GPC5: variants seen among roughly 807,000 people sequenced by gnomAD.
GPC5 encodes glypican-5.
A neutral mutation model predicts 53.9 loss-of-function variants in GPC5; 47 were observed. The ratio of observed to expected loss-of-function variants is 0.87; its 90% CI spans 0.69 to 1.11. The LOEUF (loss-of-function observed/expected upper bound fraction) is 1.11, where lower values mean the gene tolerates loss of function less well. Among genes scored for constraint, GPC5 ranks in the 50% most tolerant of loss-of-function variants. The pLI, the probability that GPC5 is intolerant of heterozygous loss-of-function variation, is 0.00. For synonymous variants in GPC5, 286 were observed against 263.3 expected, an observed-to-expected ratio of 1.09 and a Z score of -0.84; for missense variants, 748 against 713.1, an observed-to-expected ratio of 1.05 and a Z score of -0.56.
At chr13:92,760,928 A>ATTGT (rs1566406707) in intron 7 of GPC5, among the ~76,000 whole-genome samples, 1 of 152,096 alleles carries the variant, frequency 6.6e-6, no homozygotes, top group African/African-American at 2.4e-5. Flanking sequence ...TCAGAAGCAT[A>ATTGT]TTGTTTAATT....
intron 7 of GPC5, among the ~76,000 whole-genome samples, chr13:92,826,958 T>C (rs1230532198): frequency 6.6e-6 from 1 of 152,146 alleles, no homozygotes; most frequent in East Asian, 1.9e-4. Context: ...ATTTCAAGTA[T>C]CTTTTCCCTG....
chr13:91,697,825 G>A (rs1442162306), intron 3 of GPC5, among the ~76,000 whole-genome samples: 3 of 151,272 alleles, frequency 2.0e-5, no homozygotes, highest in African/African-American at 7.3e-5. Context: ...GTTTCAAGAT[G>A]TTCTAAACAG....
At position 92,280,166 on chromosome 13, in the gene GPC5, T is replaced by C. The variant is rs182952335; in HGVS notation, c.1561+135177T>C. Among the ~76,000 whole-genome samples the C allele has an allele frequency of 1.1e-3, 164 of 152,226 alleles. 2 individuals are homozygous for C. Among genetic ancestry groups the C allele is most frequent in the African/African-American group, 3.6e-3 (151 of 41,554 alleles). The stretch of plus-strand genomic sequence containing the variant: ...TTCCAATTTGTCTAGATTATCTAAT[T>C]TGTTGTCATATAATTATTCTCTTGC... On this transcript the variant is annotated intron_variant, in intron 7 of 7. Transcript: ENST00000377067.
At chr13:91,409,063 C>T (rs1452111223) in intron 1 of GPC5, among the ~76,000 whole-genome samples, 1 of 152,134 alleles carries the variant, frequency 6.6e-6, no homozygotes, top group African/African-American at 2.4e-5. Context: ...GGAAGATTGT[C>T]AATATCAAAT....
chr13:92,579,305 C>T (rs1339018512), intron 7 of GPC5, among the ~76,000 whole-genome samples: 1 of 58,232 alleles, frequency 1.7e-5, no homozygotes, highest in Admixed American at 1.8e-4. Context: ...CTCTCTCCCT[C>T]CCTCCCTCCC....
At position 92,107,335 on chromosome 13, in the gene GPC5, G is replaced by A. The variant is rs142913802; in HGVS notation, c.1402-37495G>A. 5.0e-3 allele frequency among the ~76,000 whole-genome samples: 753 copies of A among 151,588 alleles called. 23 individuals carry two copies. Among genetic ancestry groups the A allele is most frequent in the Non-Finnish European group, 2.4e-3 (166 of 67,832 alleles). ...TTTCATTCAAATTGGCAGTATACCT[G>A]GTAAATACAAATTATTTCTGAGCTC... On this transcript the variant is annotated intron_variant, in intron 6 of 7. Coordinates refer to ENST00000377067, the MANE Select transcript of GPC5 (RefSeq NM_004466.6).
At chr13:92,659,814 A>T (rs1488583818) in intron 7 of GPC5, among the ~76,000 whole-genome samples, 1 of 152,176 alleles carries the variant, frequency 6.6e-6, no homozygotes, top group East Asian at 1.9e-4. Context: ...TGAGGAAGTG[A>T]TAGCTGATCT....
At chr13:92,722,987 G>T (rs1888544977) in intron 7 of GPC5, among the ~76,000 whole-genome samples, 1 of 151,686 alleles carries the variant, frequency 6.6e-6, no homozygotes, top group South Asian at 2.1e-4. Flanking sequence ...TATGTACTTA[G>T]ATGATATATG....
chr13:91,599,091 A>G (rs149452414), intron 2 of GPC5, among the ~76,000 whole-genome samples: 190 of 152,148 alleles, frequency 1.2e-3, no homozygotes, highest in African/African-American at 4.4e-3. Flanking sequence ...GATGACATGG[A>G]TGAATTGTAG....
chr13:92,748,603 G>A (rs1156323230), intron 7 of GPC5, among the ~76,000 whole-genome samples: 3 of 151,974 alleles, frequency 2.0e-5, no homozygotes, highest in South Asian at 2.1e-4. Context: ...TTACAGGTGT[G>A]AGCCACGGCA....
intron 7 of GPC5, among the ~76,000 whole-genome samples, chr13:92,419,349 T>G (rs1876459463): frequency 6.6e-6 from 1 of 152,184 alleles, no homozygotes; most frequent in Non-Finnish European, 1.5e-5. Flanking sequence ...TTTTTCTTCC[T>G]TTCATAACGC....
intron 7 of GPC5, among the ~76,000 whole-genome samples, chr13:92,239,402 A>G (rs749789773): frequency 1.5e-4 from 23 of 151,992 alleles, no homozygotes; most frequent in Non-Finnish European, 2.5e-4. Flanking sequence ...TTGATGCAAA[A>G]TCATTCAGTG....
chr13:91,938,603 A>G (rs1386151206), intron 6 of GPC5, among the ~76,000 whole-genome samples: 1 of 152,150 alleles, frequency 6.6e-6, no homozygotes, highest in Non-Finnish European at 1.5e-5. Context: ...CTACTGGCCA[A>G]TGTTTAAAGA....
intron 5 of GPC5, among the ~76,000 whole-genome samples, chr13:91,810,285 AT>A (rs2038289237): frequency 1.3e-5 from 2 of 151,910 alleles, no homozygotes; most frequent in Admixed American, 1.3e-4. Context: ...TTCTTATTGG[AT>A]AATTATGTAA....
At chr13:91,576,111 T>C (rs915002325) in intron 2 of GPC5, among the ~76,000 whole-genome samples, 2 of 152,032 alleles carry the variant, frequency 1.3e-5, no homozygotes, top group Non-Finnish European at 2.9e-5. Flanking sequence ...GATGGGAACA[T>C]TGGGCAGACA....
intron 5 of GPC5, among the ~76,000 whole-genome samples, chr13:91,766,490 A>T (rs1020816400): frequency 6.6e-6 from 1 of 152,236 alleles, no homozygotes; most frequent in African/African-American, 2.4e-5. Context: ...AAGGTTGTCA[A>T]TAAAGATTAA....
chr13:91,642,835 T>C (rs1244425922), intron 2 of GPC5, among the ~76,000 whole-genome samples: 1 of 151,462 alleles, frequency 6.6e-6, no homozygotes, highest in Non-Finnish European at 1.5e-5. Flanking sequence ...AGTGCATGGG[T>C]CTTGGGGATG....
At chr13:91,790,929 T>C (rs1029376855) in intron 5 of GPC5, among the ~76,000 whole-genome samples, 1 of 152,218 alleles carries the variant, frequency 6.6e-6, no homozygotes, top group East Asian at 1.9e-4. Flanking sequence ...TTTCTCCTCA[T>C]CTTTTGGTGC....
At chr13:92,263,800 C>T (rs993818624) in intron 7 of GPC5, among the ~76,000 whole-genome samples, 8 of 152,094 alleles carry the variant, frequency 5.3e-5, no homozygotes, top group Admixed American at 4.6e-4. Flanking sequence ...CGATAAAAAT[C>T]TTTAAAGGTT....
Sources: allele counts gnomAD v4.1 joint callset (sites outside exome capture counted in the v4.1 genomes callset), GRCh38; gene constraint gnomAD v4.1.1; transcripts MANE v1.5; gene names NCBI Gene and HGNC (gene_info 2026-07-23, HGNC 2026-07-21).